The following TMEM132C variants were observed in gnomAD, a reference collection of about 807,000 sequenced individuals.
TMEM132C encodes the protein transmembrane protein 132C.
In TMEM132C, 29 loss-of-function variants were observed where a neutral mutation model predicts 61.4. The observed-to-expected ratio is 0.47, with a 90% confidence interval of 0.35 to 0.64. The LOEUF (loss-of-function observed/expected upper bound fraction) is 0.64. TMEM132C is among the 30% of genes least tolerant of loss of function. The pLI is 0.00. For synonymous variants in TMEM132C, 656 were observed against 633.1 expected (o/e 1.04, Z -0.54); for missense variants, 1,408 against 1,476.9 (o/e 0.95, Z 0.76).
intron 2 of TMEM132C, among the ~76,000 whole-genome samples, chr12:128,477,061 A>G (rs534428148): frequency 6.6e-6 from 1 of 152,288 alleles, no homozygotes; most frequent in Non-Finnish European, 1.5e-5. Context: ...TTAGTTAGCT[A>G]CTGCTGTGTA....
Position 128,437,296 on chromosome 12 carries a change from AAAAT to A in TMEM132C, c.974+21688_974+21691del, listed in dbSNP as rs201987288. Reference sequence around the variant, plus strand: ...TGTACCCTAGAACTTAAAGTTTAATAAAATAAATAAATAAACAAACCACTGACTT... The same window carrying A: ...TGTACCCTAGAACTTAAAGTTTAATAAAATAAATAAACAAACCACTGACTT... On this transcript the variant is annotated intron_variant, in intron 2 of 8. Transcript: ENST00000435159. Among the ~76,000 whole-genome samples, 974 of 152,280 alleles carry A rather than the reference AAAAT, an allele frequency of 6.4e-3. 12 individuals are homozygous for A. The highest frequency in any genetic ancestry group is 0.022 in the African/African-American group (910 of 41,574).
chr12:128,310,199 A>G (rs942718676), intron 1 of TMEM132C, among the ~76,000 whole-genome samples: 2 of 152,264 alleles, frequency 1.3e-5, no homozygotes, highest in Non-Finnish European at 2.9e-5. Context: ...CATTTTGAGA[A>G]TAGTGATGAT....
At chr12:128,600,914 A>G (rs1200664795) in intron 3 of TMEM132C, among the ~76,000 whole-genome samples, 3 of 152,204 alleles carry the variant, frequency 2.0e-5, no homozygotes, top group Non-Finnish European at 4.4e-5. Flanking sequence ...TAGTCTTAGC[A>G]GTTAGTGCTA....
chr12:128,338,678 T>A (rs1226524503), intron 1 of TMEM132C, among the ~76,000 whole-genome samples: 1 of 151,638 alleles, frequency 6.6e-6, no homozygotes, highest in Non-Finnish European at 1.5e-5. Context: ...CTTTTGGCTG[T>A]CTGTGACTAT....
chr12:128,330,478 A>T (rs540305545), intron 1 of TMEM132C, among the ~76,000 whole-genome samples: 1 of 152,302 alleles, frequency 6.6e-6, no homozygotes, highest in South Asian at 2.1e-4. Context: ...ACATGAGCCC[A>T]GGAGTCCAAG....
At chr12:128,523,281 T>G (rs1872970143) in intron 2 of TMEM132C, among the ~76,000 whole-genome samples, 1 of 152,126 alleles carries the variant, frequency 6.6e-6, no homozygotes, top group Admixed American at 6.5e-5. Flanking sequence ...GGACTGGTAG[T>G]GTTTAATGGG....
At chr12:128,584,852 C>T (rs1189184163) in intron 3 of TMEM132C, among the ~76,000 whole-genome samples, 2 of 152,178 alleles carry the variant, frequency 1.3e-5, no homozygotes, top group African/African-American at 4.8e-5. Context: ...GCTTCCACTC[C>T]TCCCACCATG....
chr12:128,465,711 G>A (rs1349849558), intron 2 of TMEM132C, among the ~76,000 whole-genome samples: 3 of 152,238 alleles, frequency 2.0e-5, no homozygotes, highest in Non-Finnish European at 2.9e-5. Context: ...TGGGTGTGGT[G>A]TGAGGGCCCC....
chr12:128,312,507 T>A (rs1872006222), intron 1 of TMEM132C, among the ~76,000 whole-genome samples: 1 of 152,120 alleles, frequency 6.6e-6, no homozygotes. Flanking sequence ...GGTTTCACCA[T>A]ATTGCCCAGG....
chr12:128,587,943 A>G (rs1036854759), intron 3 of TMEM132C, among the ~76,000 whole-genome samples: 11 of 152,212 alleles, frequency 7.2e-5, no homozygotes, highest in Admixed American at 6.5e-4. Flanking sequence ...ACCAGAGCTT[A>G]AGGATAATAG....
intron 1 of TMEM132C, among the ~76,000 whole-genome samples, chr12:128,385,125 C>G (rs1235127218): frequency 6.6e-6 from 1 of 152,210 alleles, no homozygotes. Flanking sequence ...GTGTTGAAAT[C>G]CTGTGTGACT....
At chr12:128,462,295 C>T (rs551063239) in intron 2 of TMEM132C, among the ~76,000 whole-genome samples, 5 of 152,106 alleles carry the variant, frequency 3.3e-5, no homozygotes, top group South Asian at 2.1e-4. Context: ...TTAGTAGAGA[C>T]GGGATTTCTC....
At chr12:128,649,236 A>G (rs1954242752) in intron 4 of TMEM132C, among the ~76,000 whole-genome samples, 1 of 152,216 alleles carries the variant, frequency 6.6e-6, no homozygotes, top group African/African-American at 2.4e-5. Flanking sequence ...AGTGCGGTGC[A>G]GGTCAGCCTG....
intron 2 of TMEM132C, among the ~76,000 whole-genome samples, chr12:128,538,016 C>G (rs1410893344): frequency 6.6e-6 from 1 of 152,186 alleles, no homozygotes; most frequent in Non-Finnish European, 1.5e-5. Context: ...GCTATCATAG[C>G]TCCTCCTGGC....
intron 2 of TMEM132C, among the ~76,000 whole-genome samples, chr12:128,485,784 C>T (rs145929736): frequency 6.6e-6 from 1 of 152,208 alleles, no homozygotes; most frequent in Non-Finnish European, 1.5e-5. Flanking sequence ...GATTGCTCTT[C>T]CCCCTTCCAG....
chr12:128,393,634 G>C (rs1178747121), intron 1 of TMEM132C, among the ~76,000 whole-genome samples: 1 of 152,294 alleles, frequency 6.6e-6, no homozygotes, highest in African/African-American at 2.4e-5. Context: ...TGAAGGAAAG[G>C]AGTTTTGTGT....
At chr12:128,435,240 T>C (rs1869541542) in intron 2 of TMEM132C, among the ~76,000 whole-genome samples, 1 of 152,082 alleles carries the variant, frequency 6.6e-6, no homozygotes, top group African/African-American at 2.4e-5. Flanking sequence ...ACCCAGTGAG[T>C]GGTACTCTGT....
intron 2 of TMEM132C, among the ~76,000 whole-genome samples, chr12:128,485,945 G>A (rs890435256): frequency 1.3e-5 from 2 of 152,100 alleles, no homozygotes; most frequent in Non-Finnish European, 1.5e-5. Context: ...AGCACGTAAC[G>A]CTTCAAAGTT....
intron 1 of TMEM132C, among the ~76,000 whole-genome samples, chr12:128,384,131 G>A (rs1874502794): frequency 1.3e-5 from 2 of 152,218 alleles, no homozygotes; most frequent in African/African-American, 2.4e-5. Context: ...GGAAGAGTCA[G>A]GTGGGCAACC....
Sources: gnomAD v4.1 joint callset for allele counts (sites outside exome capture counted in the v4.1 genomes callset) on GRCh38, gnomAD v4.1.1 for gene constraint, MANE v1.5 for transcripts, NCBI Gene and HGNC (gene_info 2026-07-23, HGNC 2026-07-21) for gene names.